The following ZNF638 variants were observed in gnomAD, a reference collection of about 807,000 sequenced individuals.
ZNF638 encodes CTCL tumor antigen se33-1.
In ZNF638, 46 loss-of-function variants were observed where a neutral mutation model predicts 195.6. That is an observed-to-expected ratio of 0.24 (90% CI 0.19 to 0.30). The LOEUF is 0.30. ZNF638 is among the 10% of genes least tolerant of loss of function. ZNF638 has a pLI of 1.00. For missense variants in ZNF638, 2,440 were observed against 2,325.3 expected (o/e 1.05, Z -1.01); for synonymous variants, 845 against 772.0 (o/e 1.09, Z -1.57).
In ZNF638 at chr2:71,424,862, T is replaced by C. The variant is rs768285406; in HGVS notation, c.4590+147T>C. 2.7e-5 allele frequency: 17 copies of C among 621,268 alleles called. 1 individual carries two copies. The highest frequency in any genetic ancestry group is 1.1e-4 in the Admixed American group (3 of 27,548). 38.5% of individuals were successfully genotyped at this position (621,268 alleles called of 1,614,324 possible). A position where few individuals can be genotyped will look rare whatever the true frequency, so the allele number is the denominator to read the frequency against. Reference sequence around the variant, plus strand: ...AATGAGATGTTTTGTTTTTAACTTATCTCTAATCCTACCATTAATTTACTT... The same window carrying C: ...AATGAGATGTTTTGTTTTTAACTTACCTCTAATCCTACCATTAATTTACTT... On this transcript the variant is annotated intron_variant, in intron 23 of 27. Coordinates refer to ENST00000264447, the MANE Select transcript of ZNF638 (RefSeq NM_014497.5).
rs370357456 is a variant in ZNF638, at chr2:71,359,488, G to A, written c.1380-3665G>A. On this transcript the variant is annotated intron_variant, in intron 3 of 27. Transcript: ENST00000264447. ...GCTCCCAGCCTATGGCGTGATGCCC[G>A]CCCACATTGAGGGCAGATCTTCCTT... Among the ~76,000 whole-genome samples the A allele has an allele frequency of 8.5e-5, 13 of 152,228 alleles. 1 individual carries two copies. In the South Asian group the frequency reaches 1.5e-3, roughly 17 times the overall value.
chr2:71,350,610 G>A (rs1341956777), intron 2 of ZNF638, among the ~76,000 whole-genome samples: 1 of 152,126 alleles, frequency 6.6e-6, no homozygotes, highest in African/African-American at 2.4e-5. Flanking sequence ...TTCTCTAAAA[G>A]GATCTGTTAG....
intron 6 of ZNF638, 127 bp from the exon 7 acceptor site, chr2:71,368,255 G>T (rs1242847047): frequency 1.7e-5 from 14 of 815,788 alleles, no homozygotes; most frequent in Non-Finnish European, 2.3e-5. Context: ...AGAAAAATGG[G>T]TAAAAAATAT....
rs1318015541 is a variant in ZNF638, at chr2:71,349,743, T to C, written c.789T>C (p.Phe263=). The change falls in exon 2 of 28, where the codon TTT becomes TTC. Residue 263 remains phenylalanine, a synonymous_variant. Coordinates refer to ENST00000264447, the MANE Select transcript of ZNF638 (RefSeq NM_014497.5). The stretch of plus-strand genomic sequence containing the variant: ...CAAATGTGATATGTAATTCTATGTT[T>C]CCTGTTGAAGACGTATTTCGCCAAA... ...PNPNVICNSM[F]PVEDVFRQMD... is the part of the protein sequence containing the mutation. 1 of 1,614,206 alleles carries C rather than the reference T, an allele frequency of 6.2e-7. No homozygotes were observed. Among genetic ancestry groups the C allele is most frequent in the Admixed American group, 1.7e-5 (1 of 60,032 alleles).
At chr2:71,378,359 A>G (rs1266963842) in intron 8 of ZNF638, among the ~76,000 whole-genome samples, 2 of 152,248 alleles carry the variant, frequency 1.3e-5, no homozygotes, top group Non-Finnish European at 1.5e-5. Context: ...TCTTCTAAAT[A>G]ATTGAGTTGA....
chr2:71,390,820 C>T (rs1349649600), intron 10 of ZNF638, among the ~76,000 whole-genome samples: 1 of 152,054 alleles, frequency 6.6e-6, no homozygotes, highest in Non-Finnish European at 1.5e-5. Context: ...GCTAAGTGCA[C>T]ACAGCCAAGC....
chr2:71,356,583 G>A (rs2079026586), intron 3 of ZNF638, among the ~76,000 whole-genome samples: 1 of 152,046 alleles, frequency 6.6e-6, no homozygotes, highest in Admixed American at 6.6e-5. Flanking sequence ...TTGAGCTCAG[G>A]AGTTCAGCCT....
chr2:71,358,143 C>T (rs1372738832), intron 3 of ZNF638, among the ~76,000 whole-genome samples: 1 of 152,176 alleles, frequency 6.6e-6, no homozygotes, highest in East Asian at 1.9e-4. Flanking sequence ...ACTGTCTTCA[C>T]ACCACCTTCT....
At chr2:71,402,355 C>G (rs1295458265) in intron 16 of ZNF638, among the ~76,000 whole-genome samples, 1 of 151,856 alleles carries the variant, frequency 6.6e-6, no homozygotes, top group Non-Finnish European at 1.5e-5. Flanking sequence ...TTTATATCTT[C>G]AATATGTTTA....
rs76981616 is a variant in ZNF638 at position 71,381,481 on chromosome 2, A to G, written c.2377+916A>G. On this transcript the variant is annotated intron_variant, in intron 10 of 27. Coordinates refer to ENST00000264447, the MANE Select transcript of ZNF638 (RefSeq NM_014497.5). ...TGATTAAGATTTTAAATTAGGTAAC[A>G]TTATGTGAAGAGATAAAATGTGGAG... 3.0e-3 allele frequency among the ~76,000 whole-genome samples: 464 copies of G among 152,240 alleles called. 2 individuals are homozygous for G. The highest frequency in any genetic ancestry group is 0.011 in the African/African-American group (442 of 41,576).
At chr2:71,387,500 A>G (rs777447278) in intron 10 of ZNF638, among the ~76,000 whole-genome samples, 9 of 151,986 alleles carry the variant, frequency 5.9e-5, no homozygotes, top group Non-Finnish European at 1.3e-4. Context: ...GTGAAATCCC[A>G]TCTCTACTAA....
chr2:71,405,711 CT>C, intron 18 of ZNF638, 69 bp downstream of exon 18: 1 of 1,169,948 alleles, frequency 8.5e-7, no homozygotes, highest in Non-Finnish European at 1.2e-6. Flanking sequence ...ACTTGTTTGC[CT>C]TTTAGGAATT....
chr2:71,352,704 A>C (rs2078963320), intron 2 of ZNF638, among the ~76,000 whole-genome samples: 1 of 152,078 alleles, frequency 6.6e-6, no homozygotes, highest in Non-Finnish European at 1.5e-5. Context: ...GTTTGTTGAT[A>C]AGTGAAGTGA....
chr2:71,355,592 C>T (rs1461315567), intron 2 of ZNF638, 127 bp from the exon 3 acceptor site: 1 of 668,334 alleles, frequency 1.5e-6, no homozygotes, highest in East Asian at 3.2e-5. Flanking sequence ...ACTGAGCAGC[C>T]AAATGCTATT....
intron 21 of ZNF638, among the ~76,000 whole-genome samples, chr2:71,419,716 A>G (rs1465962706): frequency 6.6e-6 from 1 of 152,108 alleles, no homozygotes; most frequent in Non-Finnish European, 1.5e-5. Flanking sequence ...ATGTAGTACT[A>G]TATATATAGA....
At chr2:71,347,808 T>C (rs2078876228) in intron 1 of ZNF638, among the ~76,000 whole-genome samples, 1 of 152,212 alleles carries the variant, frequency 6.6e-6, no homozygotes, top group Non-Finnish European at 1.5e-5. Context: ...TAAGTTACTT[T>C]TACTCACATC....
At chr2:71,361,360 A>G (rs2079106748) in intron 3 of ZNF638, among the ~76,000 whole-genome samples, 1 of 152,242 alleles carries the variant, frequency 6.6e-6, no homozygotes, top group Non-Finnish European at 1.5e-5. Context: ...CTTCATTTCC[A>G]GCATATACAT....
chr2:71,384,293 G>A (rs1013179763), intron 10 of ZNF638, among the ~76,000 whole-genome samples: 2 of 152,100 alleles, frequency 1.3e-5, no homozygotes, highest in African/African-American at 4.8e-5. Flanking sequence ...TATTATACAC[G>A]TTGTTGCCCA....
intron 10 of ZNF638, chr2:71,395,450 A>G (rs922114446): frequency 3.2e-6 from 2 of 624,816 alleles, no homozygotes; most frequent in African/African-American, 3.7e-5. Context: ...TCGGGAGAGA[A>G]TAAAGGCTGA....
Sources: allele counts gnomAD v4.1 joint callset (sites outside exome capture counted in the v4.1 genomes callset), GRCh38; gene constraint gnomAD v4.1.1; transcripts MANE v1.5; gene names NCBI Gene and HGNC (gene_info 2026-07-23, HGNC 2026-07-21).